RIC1: variants seen among roughly 807,000 people sequenced by gnomAD.
RIC1 encodes the protein RIC1 partner of RAB6A GEF complex, also known as guanine nucleotide exchange factor subunit RIC1.
RIC1 carries 88 observed loss-of-function variants against 169.0 expected under a neutral mutation model. The observed-to-expected ratio is 0.52, with a 90% CI of 0.44 to 0.62. The LOEUF (loss-of-function observed/expected upper bound fraction) is 0.62, where lower values mean the gene tolerates loss of function less well. RIC1 is among the 20% of genes least tolerant of loss of function. RIC1 has a pLI of 0.00. For missense variants in RIC1, 1,877 were observed against 1,725.5 expected (o/e 1.09, Z -1.56); for synonymous variants, 790 against 601.5 (o/e 1.31, Z -4.59).
At chr9:5,664,149 C>G (rs1342875650) in intron 2 of RIC1, among the ~76,000 whole-genome samples, 1 of 152,100 alleles carries the variant, frequency 6.6e-6, no homozygotes, top group African/African-American at 2.4e-5. Flanking sequence ...GTGGCTCACA[C>G]CTGTAATCCC....
Position 5,753,662 on chromosome 9 carries a change from G to A in RIC1, c.1602+16G>A. On this transcript the variant is annotated intron_variant, in intron 14 of 25. Transcript: ENST00000414202. ...CATTACCCAGGTTAGTCTTTTTTGA[G>A]ATTAAAAACCTATTTCTCAAAGTAT... 2 of 1,303,730 alleles carry A rather than the reference G, an allele frequency of 1.5e-6. No individual in the cohort carries two copies. Among genetic ancestry groups the A allele is most frequent in the Non-Finnish European group, 2.2e-6 (2 of 914,512 alleles). 80.8% of individuals were successfully genotyped at this position (1,303,730 alleles called of 1,614,324 possible).
intron 2 of RIC1, among the ~76,000 whole-genome samples, chr9:5,678,051 T>C (rs999208247): frequency 2.7e-4 from 40 of 146,914 alleles, no homozygotes; most frequent in Non-Finnish European, 5.6e-4. Flanking sequence ...CCTGTGTCCA[T>C]GTGTTCTCAT....
intron 10 of RIC1, among the ~76,000 whole-genome samples, chr9:5,745,684 C>G (rs2130994579): frequency 6.6e-6 from 1 of 152,282 alleles, no homozygotes; most frequent in African/African-American, 2.4e-5. Flanking sequence ...CTGAAATTGG[C>G]ATTAAGAATG....
At chr9:5,718,384 G>T (rs1051236373) in intron 4 of RIC1, among the ~76,000 whole-genome samples, 1 of 152,114 alleles carries the variant, frequency 6.6e-6, no homozygotes, top group African/African-American at 2.4e-5. Context: ...AAAGATAAGA[G>T]GGAAGTTAAT....
At chr9:5,658,855 T>A (rs1019848812) in intron 2 of RIC1, among the ~76,000 whole-genome samples, 8 of 151,866 alleles carry the variant, frequency 5.3e-5, no homozygotes, top group Non-Finnish European at 1.2e-4. Context: ...TGACTTTTTT[T>A]TTTTTCTTTA....
Position 5,713,961 on chromosome 9 carries a change from T to A in RIC1, c.398T>A (p.Leu133Ter), listed in dbSNP as rs1308142041. 1 of 1,613,200 alleles carries A rather than the reference T, an allele frequency of 6.2e-7. No homozygotes were observed. Among genetic ancestry groups the A allele is most frequent in the East Asian group, 2.2e-5 (1 of 44,782 alleles). Reference protein sequence around the residue: ...KEEQCAPALNLEMRKILDLQA... With the variant: ...KEEQCAPALN ...GAACAGTGTGCTCCAGCATTAAATT[T>A]GGAGATGAGGAAAATACTGGATTTA... The change falls in exon 4 of 26, where the codon TTG becomes TAG. Residue 133 changes from leucine to a stop codon, truncating the protein, a stop_gained. Coordinates refer to ENST00000414202, the MANE Select transcript of RIC1 (RefSeq NM_020829.4). LOFTEE classifies it high-confidence loss of function.
chr9:5,769,736 A>G (rs1268914809), intron 22 of RIC1: 1 of 239,896 alleles, frequency 4.2e-6, no homozygotes, highest in Admixed American at 5.1e-5. Context: ...TGTTCTAATT[A>G]TTATTATTTG....
intron 3 of RIC1, among the ~76,000 whole-genome samples, chr9:5,701,328 G>T (rs1056979474): frequency 2.0e-5 from 3 of 152,030 alleles, no homozygotes; most frequent in African/African-American, 7.2e-5. Context: ...ATAAATGTTT[G>T]GGCTGGGTGA....
At chr9:5,636,451 C>G (rs1250397682) in intron 1 of RIC1, among the ~76,000 whole-genome samples, 1 of 152,060 alleles carries the variant, frequency 6.6e-6, no homozygotes, top group Non-Finnish European at 1.5e-5. Flanking sequence ...TCCTGAGTAG[C>G]TGGGATTACA....
At chr9:5,681,069 GC>G (rs1360285344) in intron 2 of RIC1, among the ~76,000 whole-genome samples, 1 of 151,270 alleles carries the variant, frequency 6.6e-6, no homozygotes. Context: ...CTCGTGATCC[GC>G]CCGCCTCGGC....
chr9:5,663,116 A>G (rs1275965370), intron 2 of RIC1, among the ~76,000 whole-genome samples: 4 of 152,088 alleles, frequency 2.6e-5, no homozygotes, highest in East Asian at 1.9e-4. Flanking sequence ...AGGCTGTTCA[A>G]TTTCCATGTA....
chr9:5,731,166 A>T (rs1170068971), intron 6 of RIC1, among the ~76,000 whole-genome samples: 1 of 152,126 alleles, frequency 6.6e-6, no homozygotes, highest in African/African-American at 2.4e-5. Flanking sequence ...CTTGACTCAA[A>T]TGTAAAGCAA....
At chr9:5,656,501 C>T in intron 1 of RIC1, 82 bp from the exon 2 acceptor site, 1 of 588,582 alleles carries the variant, frequency 1.7e-6, no homozygotes, top group South Asian at 3.1e-5. Flanking sequence ...ACTTTGAATA[C>T]TCTGTTATCT....
At chr9:5,637,276 C>T (rs1818016571) in intron 1 of RIC1, among the ~76,000 whole-genome samples, 8 of 151,924 alleles carry the variant, frequency 5.3e-5, no homozygotes, top group Admixed American at 5.2e-4. Flanking sequence ...ACCATGTTGC[C>T]CACGCTGGTC....
chr9:5,635,648 C>G (rs1235708952), intron 1 of RIC1, among the ~76,000 whole-genome samples: 1 of 152,172 alleles, frequency 6.6e-6, no homozygotes, highest in African/African-American at 2.4e-5. Context: ...CAAATTTCAT[C>G]TCTAATCGTA....
intron 1 of RIC1, among the ~76,000 whole-genome samples, chr9:5,639,067 C>T (rs930663036): frequency 6.6e-6 from 1 of 152,122 alleles, no homozygotes; most frequent in Non-Finnish European, 1.5e-5. Flanking sequence ...AGTTGCATGC[C>T]ACCGTGCCCA....
chr9:5,738,545 C>CTTTTTTTTTTTTTTTTTTT lies in RIC1; in HGVS notation c.901+10_901+28dup. ...ACAGCAAAACAGTATCCTGGTGAGT[C>CTTTTTTTTTTTTTTTTTTT]TTTTTTTTTTTTTTTTTTTTTAACA... On this transcript the variant is annotated splice_region_variant and intron_variant, in intron 8 of 25. Transcript: ENST00000414202. The CTTTTTTTTTTTTTTTTTTT allele has an allele frequency of 1.2e-6, 1 of 815,018 alleles. No homozygotes were observed. Among genetic ancestry groups the CTTTTTTTTTTTTTTTTTTT allele is most frequent in the Non-Finnish European group, 1.7e-6 (1 of 572,704 alleles). The allele number at this position is 815,018 out of a possible 1,614,324, so 50.5% of individuals were successfully genotyped here.
Position 5,765,810 on chromosome 9 carries a change from A to G in RIC1, c.3137+12A>G, listed in dbSNP as rs746793947. The G allele has an allele frequency of 8.7e-6, 14 of 1,613,718 alleles. No homozygotes were observed. The highest frequency in any genetic ancestry group is 1.2e-5 in the Non-Finnish European group (14 of 1,179,780). ...CCCTCTGGAAAAAGGTAAAATAATAAAGAGCCATTACTGCTTTTTGGGCAT... is the reference window on the plus strand; with the variant it reads ...CCCTCTGGAAAAAGGTAAAATAATAGAGAGCCATTACTGCTTTTTGGGCAT... On this transcript the variant is annotated intron_variant, in intron 21 of 25. Transcript: ENST00000414202.
At chr9:5,741,666 A>C (rs1825089222) in intron 8 of RIC1, among the ~76,000 whole-genome samples, 1 of 152,118 alleles carries the variant, frequency 6.6e-6, no homozygotes, top group African/African-American at 2.4e-5. Flanking sequence ...ATCTGTATGC[A>C]TCCTGCTCCT....
Sources: gnomAD v4.1 joint callset for allele counts (sites outside exome capture counted in the v4.1 genomes callset) on GRCh38, gnomAD v4.1.1 for gene constraint, MANE v1.5 for transcripts, NCBI Gene and HGNC (gene_info 2026-07-23, HGNC 2026-07-21) for gene names.